Variants in KSR2 observed in about 807,000 individuals in gnomAD.
The protein encoded by KSR2 is kinase suppressor of ras 2.
In KSR2, 25 loss-of-function variants were observed where a neutral mutation model predicts 107.8. The observed-to-expected ratio is 0.23, with a 90% CI of 0.17 to 0.32. KSR2 has a LOEUF of 0.32. KSR2 is among the 10% of genes least tolerant of loss of function. The pLI, the probability that KSR2 is intolerant of heterozygous loss-of-function variation, is 1.00. For missense variants in KSR2, 887 were observed against 1,268.9 expected (o/e 0.70, Z 4.57); for synonymous variants, 480 against 507.0 (o/e 0.95, Z 0.71).
At position 117,579,212 on chromosome 12, in the gene KSR2, A is replaced by G; in HGVS notation, c.1242-10T>C. On this transcript the variant is annotated splice_polypyrimidine_tract_variant and intron_variant, in intron 6 of 19. Transcript: ENST00000339824. The stretch of plus-strand genomic sequence containing the variant: ...GTACTTGGTGGAAAACCTGTGGAAA[A>G]GAGACAGAAAATGTTCAAGGTTAAG... 1.9e-6 allele frequency: 3 copies of G among 1,604,840 alleles called. No individual in the cohort carries two copies. In the South Asian group the frequency reaches 3.3e-5, roughly 18 times the overall value.
At chr12:117,710,109 C>T (rs555221688) in intron 4 of KSR2, among the ~76,000 whole-genome samples, 290 of 152,168 alleles carry the variant, frequency 1.9e-3, no homozygotes, top group Non-Finnish European at 3.7e-3. Context: ...AATATTGAAT[C>T]GAGCCCTGAA....
chr12:117,696,711 T>G (rs912178461), intron 4 of KSR2, among the ~76,000 whole-genome samples: 1 of 152,218 alleles, frequency 6.6e-6, no homozygotes, highest in Non-Finnish European at 1.5e-5. Flanking sequence ...CTACCTATTA[T>G]GTTCATTAAT....
chr12:117,603,491 T>A (rs1370112241), intron 5 of KSR2, among the ~76,000 whole-genome samples: 1 of 152,210 alleles, frequency 6.6e-6, no homozygotes, highest in Admixed American at 6.5e-5. Context: ...CCGCCCTTCC[T>A]GTCTGGCCTG....
At chr12:117,882,435 C>T (rs1894054063) in intron 1 of KSR2, among the ~76,000 whole-genome samples, 1 of 152,228 alleles carries the variant, frequency 6.6e-6, no homozygotes, top group Non-Finnish European at 1.5e-5. Context: ...CTGCATGAAC[C>T]TTGAGGTTCC....
Position 117,897,630 on chromosome 12 carries a change from T to C in KSR2, c.181-37199A>G, listed in dbSNP as rs1287312350. 6.6e-6 allele frequency among the ~76,000 whole-genome samples: 1 copy of C among 151,972 alleles called. No individual in the cohort carries two copies. Among genetic ancestry groups the C allele is most frequent in the Non-Finnish European group, 1.5e-5 (1 of 67,988 alleles). The stretch of plus-strand genomic sequence containing the variant: ...AAGGAAAATTCTCCCCCTGTGGAAA[T>C]CCCCTTTGGTACAAAAATAAGCACG... On this transcript the variant is annotated intron_variant, in intron 1 of 19. Coordinates refer to ENST00000339824, the MANE Select transcript of KSR2 (RefSeq NM_173598.6). This position sits in a 1 kb window ranked among gnomAD's most constrained non-coding sequence, Gnocchi z 4.5.
intron 3 of KSR2, among the ~76,000 whole-genome samples, chr12:117,813,404 A>C (rs1045747920): frequency 2.0e-5 from 3 of 152,226 alleles, no homozygotes; most frequent in Non-Finnish European, 4.4e-5. Flanking sequence ...GGGACTAATA[A>C]CCAAAATATT....
At chr12:117,778,246 A>G (rs968588652) in intron 3 of KSR2, among the ~76,000 whole-genome samples, 1 of 152,018 alleles carries the variant, frequency 6.6e-6, no homozygotes, top group African/African-American at 2.4e-5. Context: ...GTGAACCACC[A>G]TGCCCAGCTA....
At chr12:117,807,788 A>G (rs958488157) in intron 3 of KSR2, among the ~76,000 whole-genome samples, 3 of 152,248 alleles carry the variant, frequency 2.0e-5, no homozygotes, top group Non-Finnish European at 1.5e-5. Flanking sequence ...AAAAGTCTAC[A>G]TTTGAGTAAG....
At chr12:117,469,214 C>G (rs748893110) in intron 19 of KSR2, among the ~76,000 whole-genome samples, 1 of 152,216 alleles carries the variant, frequency 6.6e-6, no homozygotes, top group Non-Finnish European at 1.5e-5. Context: ...CTTTCCTGCT[C>G]TGGCATTCAT....
At chr12:117,530,265 G>A (rs1220870997) in intron 12 of KSR2, among the ~76,000 whole-genome samples, 15 of 152,096 alleles carry the variant, frequency 9.9e-5, no homozygotes, top group Admixed American at 9.2e-4. Flanking sequence ...TCCAAAATTA[G>A]CTTATATTAT....
intron 5 of KSR2, among the ~76,000 whole-genome samples, chr12:117,617,010 T>C (rs1179521466): frequency 2.6e-5 from 4 of 152,212 alleles, no homozygotes; most frequent in Non-Finnish European, 5.9e-5. Context: ...TTAGCAGTTT[T>C]ATGAAGATGT....
intron 7 of KSR2, among the ~76,000 whole-genome samples, chr12:117,559,297 T>G (rs931310500): frequency 9.2e-5 from 14 of 152,134 alleles, no homozygotes; most frequent in Non-Finnish European, 1.8e-4. Context: ...ATGGCAGCTG[T>G]TTTATTAGCA....
intron 10 of KSR2, among the ~76,000 whole-genome samples, chr12:117,538,172 T>C (rs1660778801): frequency 6.6e-6 from 1 of 151,872 alleles, no homozygotes; most frequent in Non-Finnish European, 1.5e-5. Context: ...GGTGGGAGCC[T>C]TCTGTCTGTG....
chr12:117,790,388 G>A (rs144184319), intron 3 of KSR2, among the ~76,000 whole-genome samples: 15 of 152,304 alleles, frequency 9.8e-5, no homozygotes, highest in African/African-American at 3.6e-4. Flanking sequence ...ATTCTTTTGA[G>A]TTCTTGATCA....
chr12:117,932,541 C>A (rs1895722186), intron 1 of KSR2, among the ~76,000 whole-genome samples: 2 of 152,004 alleles, frequency 1.3e-5, no homozygotes, highest in African/African-American at 4.8e-5. Flanking sequence ...TACAGCAAAA[C>A]CCTATCTCTA....
intron 5 of KSR2, among the ~76,000 whole-genome samples, chr12:117,616,230 A>G (rs1395517813): frequency 1.3e-5 from 2 of 152,196 alleles, no homozygotes; most frequent in African/African-American, 2.4e-5. Flanking sequence ...ATATTTTTAT[A>G]AATATTTAAA....
rs1037294829 is a variant in KSR2, at chr12:117,860,255, G to A, written c.321+36C>T. On this transcript the variant is annotated intron_variant, in intron 2 of 19. Transcript: ENST00000339824. ...CAACACAGGGGGTAGCTGCTGGCCA[G>A]TAAGGGGCAGGGGACACAGGGGCCC... The A allele has an allele frequency of 1.8e-5, 29 of 1,590,832 alleles. No individual in the cohort carries two copies. The Admixed American group carries it at 3.0e-4, about 17-fold the overall frequency.
At chr12:117,469,545 G>A (rs971924751) in intron 19 of KSR2, 117 bp downstream of exon 19, 3 of 1,223,950 alleles carry the variant, frequency 2.5e-6, no homozygotes, top group South Asian at 1.5e-5. Flanking sequence ...GCCGAAGGGT[G>A]GGCACATGGA....
chr12:117,925,334 G>C (rs1023765729), intron 1 of KSR2, among the ~76,000 whole-genome samples: 3 of 151,666 alleles, frequency 2.0e-5, no homozygotes, highest in African/African-American at 7.3e-5. Context: ...ACGTTGCCCA[G>C]GCTGGTCTCG....
Sources: gnomAD v4.1 joint callset for allele counts (sites outside exome capture counted in the v4.1 genomes callset) on GRCh38, gnomAD v4.1.1 for gene constraint, Gnocchi (gnomAD v3.1) non-coding constraint, MANE v1.5 for transcripts, NCBI Gene and HGNC (gene_info 2026-07-23, HGNC 2026-07-21) for gene names.